The following IGF1R variants were observed in gnomAD, a reference collection of about 807,000 sequenced individuals.
IGF1R encodes the protein insulin like growth factor 1 receptor.
IGF1R carries 44 observed loss-of-function variants against 144.6 expected under a neutral mutation model. The observed-to-expected ratio is 0.30, with a 90% confidence interval of 0.24 to 0.39. The LOEUF is 0.39. IGF1R is among the 10% of genes least tolerant of loss of function. The pLI is 1.00. For synonymous variants in IGF1R, 795 were observed against 722.8 expected, an observed-to-expected ratio of 1.10 and a Z score of -1.60; for missense variants, 1,355 against 1,833.7, an observed-to-expected ratio of 0.74 and a Z score of 4.77.
At chr15:98,728,275 G>A (rs576571875) in intron 2 of IGF1R, among the ~76,000 whole-genome samples, 14 of 152,226 alleles carry the variant, frequency 9.2e-5, no homozygotes, top group East Asian at 1.9e-4. Flanking sequence ...CACAGATCCC[G>A]GTGCCTGTCT....
chr15:98,685,937 G>T (rs1379267718), intron 1 of IGF1R, among the ~76,000 whole-genome samples: 1 of 152,206 alleles, frequency 6.6e-6, no homozygotes, highest in Non-Finnish European at 1.5e-5. Flanking sequence ...GAGTTCAGTG[G>T]CATTAAGTAC....
chr15:98,773,210 C>G (rs2055632986), intron 2 of IGF1R, among the ~76,000 whole-genome samples: 1 of 152,134 alleles, frequency 6.6e-6, no homozygotes, highest in African/African-American at 2.4e-5. Flanking sequence ...GACCCCCGTG[C>G]TGCATGTACA....
intron 15 of IGF1R, among the ~76,000 whole-genome samples, chr15:98,930,690 C>G (rs1005679778): frequency 2.6e-5 from 4 of 152,208 alleles, no homozygotes; most frequent in African/African-American, 9.6e-5. Flanking sequence ...CTAGTTTCAG[C>G]TTGAGTATCA....
At chr15:98,932,611 C>T (rs925009491) in intron 15 of IGF1R, among the ~76,000 whole-genome samples, 2 of 152,218 alleles carry the variant, frequency 1.3e-5, no homozygotes, top group Non-Finnish European at 1.5e-5. Context: ...AAAAGCAAGC[C>T]TGGATTCTCA....
chr15:98,885,545 C>T (rs935802932), intron 2 of IGF1R, among the ~76,000 whole-genome samples: 3 of 152,182 alleles, frequency 2.0e-5, no homozygotes, highest in East Asian at 3.9e-4. Flanking sequence ...AGCGGTTAAT[C>T]CTCCTGCACG....
intron 2 of IGF1R, among the ~76,000 whole-genome samples, chr15:98,744,064 C>T (rs1177000296): frequency 1.3e-5 from 2 of 151,944 alleles, no homozygotes; most frequent in Admixed American, 1.3e-4. Context: ...GTCAAGCAGG[C>T]ATTTGGAAAT....
chr15:98,665,138 A>G (rs901514113), intron 1 of IGF1R, among the ~76,000 whole-genome samples: 36 of 152,072 alleles, frequency 2.4e-4, no homozygotes, highest in African/African-American at 8.7e-4. Context: ...TTTTTAGTAG[A>G]GATGGGGTTT....
chr15:98,834,469 C>T (rs2057058158), intron 2 of IGF1R, among the ~76,000 whole-genome samples: 2 of 152,332 alleles, frequency 1.3e-5, no homozygotes, highest in East Asian at 1.9e-4. Flanking sequence ...AAACTCTTGC[C>T]TTCACACTTA....
rs1271358539 is a variant in IGF1R, at chr15:98,878,687, AAAAAAAAACAAC to A, written c.641-12635_641-12624del. Among the ~76,000 whole-genome samples, 1,093 of 125,414 alleles carry A rather than the reference AAAAAAAAACAAC, an allele frequency of 8.7e-3. 32 individuals carry two copies. Among genetic ancestry groups the A allele is most frequent in the African/African-American group, 0.032 (1,032 of 31,908 alleles). 82.3% of individuals were successfully genotyped at this position (125,414 alleles called of 152,430 possible). ...TCAAAAAAAAAAAAAAAAAAAAAAA[AAAAAAAAACAAC>A]AACAAAAAAAAGGCCAGGCACGGTG... On this transcript the variant is annotated intron_variant, in intron 2 of 20. Transcript: ENST00000650285.
At chr15:98,852,683 G>T (rs1027197814) in intron 2 of IGF1R, among the ~76,000 whole-genome samples, 2 of 152,224 alleles carry the variant, frequency 1.3e-5, no homozygotes, top group East Asian at 1.9e-4. Flanking sequence ...AGCGGGCCGA[G>T]CGCAGAGTGC....
At position 98,935,148 on chromosome 15, in the gene IGF1R, T is replaced by C. The variant is rs190757014; in HGVS notation, c.3186+95T>C. On this transcript the variant is annotated intron_variant, in intron 16 of 20. Coordinates refer to ENST00000650285, the MANE Select transcript of IGF1R (RefSeq NM_000875.5). This position sits in a 1 kb window ranked among gnomAD's most constrained non-coding sequence, Gnocchi z 4.2. ...TTCTTGGCTGCATGTACCCGTGGGTTTGGTGTCTTGCCTTTGCCTTCTGGA... is the reference window on the plus strand; with the variant it reads ...TTCTTGGCTGCATGTACCCGTGGGTCTGGTGTCTTGCCTTTGCCTTCTGGA... The C allele has an allele frequency of 1.9e-3, 2,084 of 1,125,952 alleles. 29 individuals carry two copies. The highest frequency in any genetic ancestry group is 9.8e-5 in the Non-Finnish European group (74 of 752,034). 69.7% of individuals were successfully genotyped at this position (1,125,952 alleles called of 1,614,324 possible).
intron 2 of IGF1R, among the ~76,000 whole-genome samples, chr15:98,878,961 A>T (rs1429581742): frequency 6.6e-6 from 1 of 151,758 alleles, no homozygotes; most frequent in African/African-American, 2.4e-5. Flanking sequence ...GTGCCATTGC[A>T]CTCTAGCCTG....
intron 20 of IGF1R, 101 bp downstream of exon 20, chr15:98,948,809 G>A (rs561371167): frequency 2.2e-6 from 3 of 1,376,288 alleles, no homozygotes; most frequent in South Asian, 2.3e-5. Flanking sequence ...ATTCTCTCTG[G>A]TCCTGCGCCT....
At chr15:98,759,501 G>A (rs945344219) in intron 2 of IGF1R, among the ~76,000 whole-genome samples, 8 of 152,236 alleles carry the variant, frequency 5.3e-5, no homozygotes, top group African/African-American at 1.9e-4. Context: ...CCCCCAGGGG[G>A]TCTGTTTGAT....
At chr15:98,913,753 T>A (rs1468140572) in intron 8 of IGF1R, among the ~76,000 whole-genome samples, 1 of 152,226 alleles carries the variant, frequency 6.6e-6, no homozygotes, top group African/African-American at 2.4e-5. Context: ...ATGTTGTGGA[T>A]ATTCAGAGTA....
chr15:98,737,446 G>C (rs572723545), intron 2 of IGF1R, among the ~76,000 whole-genome samples: 1 of 152,160 alleles, frequency 6.6e-6, no homozygotes, highest in African/African-American at 2.4e-5. Context: ...GAGCAGTGGA[G>C]TAAGCTGATA....
At chr15:98,778,899 A>G (rs932991401) in intron 2 of IGF1R, among the ~76,000 whole-genome samples, 1 of 152,226 alleles carries the variant, frequency 6.6e-6, no homozygotes, top group South Asian at 2.1e-4. Flanking sequence ...TTTGAAAACA[A>G]TGGAAAAACC....
intron 17 of IGF1R, among the ~76,000 whole-genome samples, chr15:98,936,156 C>T (rs1367721773): frequency 1.3e-5 from 2 of 152,216 alleles, no homozygotes; most frequent in African/African-American, 2.4e-5. Context: ...TCAGACTCTA[C>T]GTCCACGTTT....
chr15:98,878,040 G>A (rs1285774560), intron 2 of IGF1R, among the ~76,000 whole-genome samples: 1 of 152,252 alleles, frequency 6.6e-6, no homozygotes, highest in East Asian at 1.9e-4. Flanking sequence ...AGCCACAGCT[G>A]TGTGGCATTG....
Sources: allele counts gnomAD v4.1 joint callset (sites outside exome capture counted in the v4.1 genomes callset), GRCh38; gene constraint gnomAD v4.1.1; non-coding constraint Gnocchi (gnomAD v3.1); transcripts MANE v1.5; gene names NCBI Gene and HGNC (gene_info 2026-07-23, HGNC 2026-07-21).